The following VPS53 variants were observed in gnomAD, a reference collection of about 807,000 sequenced individuals.
The protein encoded by VPS53 is VPS53 subunit of GARP complex, also known as vacuolar protein sorting-associated protein 53 homolog.
Under a neutral mutation model 107.0 loss-of-function variants are expected in VPS53, and 70 were observed. That is an observed-to-expected ratio of 0.65 (90% CI 0.54 to 0.80). The LOEUF (loss-of-function observed/expected upper bound fraction) is 0.80. Among genes scored for constraint, VPS53 ranks in the 30% least tolerant of loss-of-function variants. The pLI is 0.00. For missense variants in VPS53, 917 were observed against 1,049.4 expected (o/e 0.87, Z 1.74); for synonymous variants, 409 against 393.3 (o/e 1.04, Z -0.47).
At chr17:713,040 C>T (rs1046264528) in intron 1 of VPS53, among the ~76,000 whole-genome samples, 3 of 152,130 alleles carry the variant, frequency 2.0e-5, no homozygotes, top group African/African-American at 7.2e-5. Context: ...CCAACCACTA[C>T]TGGAAAAACA....
At chr17:597,125 G>GA (rs1555561672) in intron 12 of VPS53, among the ~76,000 whole-genome samples, 1 of 152,192 alleles carries the variant, frequency 6.6e-6, no homozygotes, top group Non-Finnish European at 1.5e-5. Context: ...TCTTGTAAAC[G>GA]AAATACCTTC....
At chr17:681,056 T>A (rs1972373483) in intron 4 of VPS53, among the ~76,000 whole-genome samples, 1 of 151,520 alleles carries the variant, frequency 6.6e-6, no homozygotes, top group Non-Finnish European at 1.5e-5. Context: ...ATATATTACA[T>A]GTTAGCATAA....
intron 18 of VPS53, 22 bp downstream of exon 18, chr17:537,006 A>G (rs1200869537): frequency 6.2e-7 from 1 of 1,613,320 alleles, no homozygotes; most frequent in African/African-American, 1.3e-5. Flanking sequence ...GAACCCAGAG[A>G]TGAGCACGCC....
Position 519,703 on chromosome 17 carries a change from T to C in VPS53, c.2328+123A>G. On this transcript the variant is annotated intron_variant, in intron 21 of 21. Coordinates refer to ENST00000437048, the MANE Select transcript of VPS53 (RefSeq NM_001128159.3). The surrounding 1 kb of genome is among the most constrained non-coding windows in gnomAD (Gnocchi z 5.0). ...AGAGGCTTCTCTGAATCCGGTTTGC[T>C]CTGTGGAGCCAGGCACATGCATTTT... The C allele has an allele frequency of 1.3e-6, 1 of 765,510 alleles. No homozygotes were observed. Among genetic ancestry groups the C allele is most frequent in the Non-Finnish European group, 2.2e-6 (1 of 458,130 alleles). 47.4% of individuals were successfully genotyped at this position (765,510 alleles called of 1,614,324 possible).
At chr17:639,214 A>T (rs951060052) in intron 7 of VPS53, among the ~76,000 whole-genome samples, 1 of 152,074 alleles carries the variant, frequency 6.6e-6, no homozygotes, top group Non-Finnish European at 1.5e-5. Flanking sequence ...CGAATTGGCT[A>T]CTGAAGCTTG....
intron 17 of VPS53, among the ~76,000 whole-genome samples, chr17:546,141 G>C (rs558280170): frequency 2.0e-5 from 3 of 152,308 alleles, no homozygotes; most frequent in South Asian, 2.1e-4. Flanking sequence ...TGGGAAAGCT[G>C]AGTATCCTTT....
At chr17:635,509 C>G (rs546438096) in intron 7 of VPS53, among the ~76,000 whole-genome samples, 96 of 152,228 alleles carry the variant, frequency 6.3e-4, no homozygotes, top group African/African-American at 2.3e-3. Flanking sequence ...AGGTTTTCTT[C>G]TAGGGTTTTT....
intron 7 of VPS53, among the ~76,000 whole-genome samples, chr17:647,961 C>T (rs897459271): frequency 1.1e-4 from 17 of 152,220 alleles, no homozygotes; most frequent in Non-Finnish European, 2.9e-5. Context: ...TCCGTGTCTG[C>T]ACCCACACCG....
At chr17:626,783 A>C (rs1025638105) in intron 10 of VPS53, among the ~76,000 whole-genome samples, 2 of 152,172 alleles carry the variant, frequency 1.3e-5, no homozygotes, top group Non-Finnish European at 2.9e-5. Flanking sequence ...GGTAGATACT[A>C]CCCTGTCTCT....
At chr17:521,812 C>T (rs1908779314) in intron 19 of VPS53, 74 bp from the exon 20 acceptor site, 36 of 1,363,448 alleles carry the variant, frequency 2.6e-5, no homozygotes, top group Non-Finnish European at 3.3e-5. Flanking sequence ...GCCGATGAGT[C>T]ATGTTTTTCT....
At chr17:700,578 C>G (rs1215355129) in intron 2 of VPS53, among the ~76,000 whole-genome samples, 2 of 151,998 alleles carry the variant, frequency 1.3e-5, no homozygotes, top group Non-Finnish European at 2.9e-5. Context: ...TTCTTTTTGT[C>G]TGTATTTTAT....
At chr17:597,771 T>C (rs1968046469) in intron 12 of VPS53, among the ~76,000 whole-genome samples, 1 of 152,110 alleles carries the variant, frequency 6.6e-6, no homozygotes, top group African/African-American at 2.4e-5. Flanking sequence ...AGTTTCACCA[T>C]GTTGGTCAGG....
intron 11 of VPS53, among the ~76,000 whole-genome samples, chr17:611,869 G>C (rs1007746940): frequency 5.4e-5 from 8 of 148,372 alleles, no homozygotes; most frequent in African/African-American, 1.7e-4. Flanking sequence ...CACATAGTGA[G>C]TTCATACAGT....
chr17:565,421 A>G (rs1183755474), intron 13 of VPS53, among the ~76,000 whole-genome samples: 3 of 147,430 alleles, frequency 2.0e-5, no homozygotes, highest in Admixed American at 1.3e-4. Flanking sequence ...AAAAAAAAAA[A>G]AAAAAGAAAG....
At chr17:655,980 A>G (rs2143532866) in intron 5 of VPS53, 27 bp from the exon 6 acceptor site, 4 of 1,593,592 alleles carry the variant, frequency 2.5e-6, no homozygotes, top group South Asian at 1.1e-5. Flanking sequence ...CACAAGAAAG[A>G]AAGGAAGACG....
At chr17:588,190 C>T (rs565063365) in intron 12 of VPS53, among the ~76,000 whole-genome samples, 2 of 152,040 alleles carry the variant, frequency 1.3e-5, no homozygotes, top group East Asian at 1.9e-4. Flanking sequence ...TGGTGGTGTG[C>T]GCCTGTAGTC....
At chr17:538,417 T>A (rs1043361627) in intron 17 of VPS53, 3 of 152,230 alleles carry the variant, frequency 2.0e-5, no homozygotes, top group Non-Finnish European at 4.4e-5. Context: ...AACCATATAA[T>A]ATGTTCATAG....
intron 11 of VPS53, among the ~76,000 whole-genome samples, chr17:611,861 C>T (rs1211735618): frequency 1.3e-5 from 2 of 151,226 alleles, no homozygotes; most frequent in Non-Finnish European, 2.9e-5. Flanking sequence ...CAAATATTCA[C>T]ATAGTGAGTT....
At chr17:688,198 G>A (rs868096433) in intron 4 of VPS53, among the ~76,000 whole-genome samples, 17 of 152,188 alleles carry the variant, frequency 1.1e-4, no homozygotes, top group African/African-American at 3.4e-4. Context: ...GAGGGACCTG[G>A]TGGGAAGTCA....
Sources: gnomAD v4.1 joint callset for allele counts (sites outside exome capture counted in the v4.1 genomes callset) on GRCh38, gnomAD v4.1.1 for gene constraint, Gnocchi (gnomAD v3.1) non-coding constraint, MANE v1.5 for transcripts, NCBI Gene and HGNC (gene_info 2026-07-23, HGNC 2026-07-21) for gene names.